Variants in BCKDHB observed in about 807,000 individuals in gnomAD.
BCKDHB encodes the protein branched chain keto acid dehydrogenase E1 subunit beta, also known as 2-oxoisovalerate dehydrogenase subunit beta, mitochondrial.
In BCKDHB, 41 loss-of-function variants were observed where a neutral mutation model predicts 48.5. That is an observed-to-expected ratio of 0.85 (90% CI 0.66 to 1.10). The LOEUF is 1.10. Ranked by LOEUF, BCKDHB falls within the 50% of genes least tolerant of loss-of-function variation. The probability of loss-of-function intolerance (pLI) is 0.00; values close to 1 mark genes in which losing one functional copy is unlikely to be tolerated. For missense variants in BCKDHB, 496 were observed against 494.2 expected (o/e 1.00, Z -0.03); for synonymous variants, 201 against 174.8 (o/e 1.15, Z -1.18).
chr6:80,293,663 T>C (rs542254945), intron 9 of BCKDHB, among the ~76,000 whole-genome samples: 1 of 152,318 alleles, frequency 6.6e-6, no homozygotes, highest in South Asian at 2.1e-4. Context: ...CCCCAGGAAA[T>C]GGGTTTTTCT....
At chr6:80,178,854 C>T (rs1380328266) in intron 6 of BCKDHB, among the ~76,000 whole-genome samples, 1 of 152,142 alleles carries the variant, frequency 6.6e-6, no homozygotes, top group South Asian at 2.1e-4. Context: ...TAAACCAAGA[C>T]ATTTTGACAC....
At chr6:80,138,402 C>T (rs1420987890) in intron 3 of BCKDHB, among the ~76,000 whole-genome samples, 1 of 152,022 alleles carries the variant, frequency 6.6e-6, no homozygotes, top group East Asian at 1.9e-4. Flanking sequence ...ACTAACTCGT[C>T]ATCTAGCATT....
chr6:80,192,802 T>C (rs1773957472), intron 6 of BCKDHB, among the ~76,000 whole-genome samples: 2 of 149,614 alleles, frequency 1.3e-5, no homozygotes, highest in Non-Finnish European at 2.9e-5. Flanking sequence ...ATCATTACTT[T>C]TGTGATTTAT....
chr6:80,150,029 T>C (rs1771692818), intron 3 of BCKDHB, among the ~76,000 whole-genome samples: 1 of 151,996 alleles, frequency 6.6e-6, no homozygotes, highest in Non-Finnish European at 1.5e-5. Flanking sequence ...AGTATAAGAC[T>C]TTTGTTTCTA....
intron 6 of BCKDHB, among the ~76,000 whole-genome samples, chr6:80,185,328 GT>G (rs781316488): frequency 6.7e-6 from 1 of 149,774 alleles, no homozygotes; most frequent in Admixed American, 6.7e-5. Flanking sequence ...ATCCTGCACT[GT>G]TTTTTTTTAA....
the BCKDHB span, among the ~76,000 whole-genome samples, chr6:80,358,480 C>T: frequency 6.6e-6 from 1 of 152,096 alleles, no homozygotes; most frequent in African/African-American, 2.4e-5. Flanking sequence ...TTTTATTCGA[C>T]TGAGGCATCA....
chr6:80,400,941 A>T, the BCKDHB span, among the ~76,000 whole-genome samples: 1,132 of 152,146 alleles, frequency 7.4e-3, 14 homozygotes, highest in African/African-American at 0.025. Context: ...GGAGGTCATT[A>T]TCCTTAGCAA....
rs552567298 is a variant in BCKDHB, at chr6:80,159,106, T to TA, written c.344-8572_344-8571insA. ...ATAATAAGGTGACTATAACCCTTGGTTTACCCAGGTTAGTCCTGTTTGCCT... is the reference window on the plus strand; with the variant it reads ...ATAATAAGGTGACTATAACCCTTGGTATTACCCAGGTTAGTCCTGTTTGCCT... On this transcript the variant is annotated intron_variant, in intron 3 of 9. Coordinates refer to ENST00000320393, the MANE Select transcript of BCKDHB (RefSeq NM_183050.4). Among the ~76,000 whole-genome samples, 8 of 152,278 alleles carry TA rather than the reference T, an allele frequency of 5.3e-5. No individual in the cohort carries two copies. The East Asian group carries it at 1.5e-3, about 29-fold the overall frequency.
chr6:80,393,994 C>T, the BCKDHB span, among the ~76,000 whole-genome samples: 1 of 152,146 alleles, frequency 6.6e-6, no homozygotes, highest in African/African-American at 2.4e-5. Context: ...TTATAGCTTA[C>T]AATATTTTTC....
intron 9 of BCKDHB, among the ~76,000 whole-genome samples, chr6:80,325,916 C>G (rs537494411): frequency 2.6e-5 from 4 of 152,084 alleles, no homozygotes; most frequent in Admixed American, 6.5e-5. Flanking sequence ...GAGAAACTGT[C>G]GCAGCCAAGG....
chr6:80,323,857 C>T (rs1762944726), intron 9 of BCKDHB, among the ~76,000 whole-genome samples: 1 of 152,104 alleles, frequency 6.6e-6, no homozygotes, highest in Non-Finnish European at 1.5e-5. Flanking sequence ...ACTGCAAGCT[C>T]CGCCCCCCGG....
At chr6:80,176,528 A>C (rs1453506951) in intron 6 of BCKDHB, among the ~76,000 whole-genome samples, 2 of 152,158 alleles carry the variant, frequency 1.3e-5, no homozygotes, top group Non-Finnish European at 2.9e-5. Flanking sequence ...GGAGCCCTTG[A>C]TTAAAGCCTG....
At chr6:80,175,949 C>G (rs892372621) in intron 6 of BCKDHB, among the ~76,000 whole-genome samples, 1 of 152,098 alleles carries the variant, frequency 6.6e-6, no homozygotes, top group Non-Finnish European at 1.5e-5. Context: ...TAGGGGGGAA[C>G]AAGAACAAAA....
At chr6:80,438,542 A>C in the BCKDHB span, among the ~76,000 whole-genome samples, 1 of 152,232 alleles carries the variant, frequency 6.6e-6, no homozygotes. Context: ...CAAAAAGACC[A>C]TAACAATTAC....
intron 8 of BCKDHB, among the ~76,000 whole-genome samples, chr6:80,218,113 A>G (rs2127854196): frequency 6.6e-6 from 1 of 152,336 alleles, no homozygotes; most frequent in East Asian, 1.9e-4. Flanking sequence ...TACATATGCC[A>G]ACACGACTAG....
At chr6:80,331,910 C>T (rs1769329679) in intron 9 of BCKDHB, among the ~76,000 whole-genome samples, 1 of 151,730 alleles carries the variant, frequency 6.6e-6, no homozygotes, top group African/African-American at 2.4e-5. Context: ...AAAGAAAATC[C>T]TTGGGGGTTG....
In BCKDHB at chr6:80,194,143, T is replaced by A. The variant is rs77995651; in HGVS notation, c.743-6791T>A. Among the ~76,000 whole-genome samples, 547 of 152,330 alleles carry A rather than the reference T, an allele frequency of 3.6e-3. 1 individual carries two copies. The highest frequency in any genetic ancestry group is 6.0e-3 in the Non-Finnish European group (408 of 68,028). On this transcript the variant is annotated intron_variant, in intron 6 of 9. Coordinates refer to ENST00000320393, the MANE Select transcript of BCKDHB (RefSeq NM_183050.4). ...CAATGACATTTCTAATTTGGTATAC[T>A]TTCTGTTATATCACAACTTATTTTC... is the stretch of plus-strand genomic sequence containing the variant.
chr6:80,204,521 A>AT (rs1774546127), intron 8 of BCKDHB, among the ~76,000 whole-genome samples: 1 of 152,108 alleles, frequency 6.6e-6, no homozygotes, highest in Non-Finnish European at 1.5e-5. Context: ...TGTTTGCAAC[A>AT]TATATCCACC....
chr6:80,234,254 C>T (rs1201216304), intron 8 of BCKDHB, among the ~76,000 whole-genome samples: 9 of 152,160 alleles, frequency 5.9e-5, no homozygotes. Flanking sequence ...TATCAGTCAC[C>T]ACAGTCTCCT....
Sources: gnomAD v4.1 joint callset for allele counts (sites outside exome capture counted in the v4.1 genomes callset) on GRCh38, gnomAD v4.1.1 for gene constraint, MANE v1.5 for transcripts, NCBI Gene and HGNC (gene_info 2026-07-23, HGNC 2026-07-21) for gene names.